Variants in RPS3 observed in about 807,000 individuals in gnomAD.
RPS3 encodes ribosomal protein S3.
In RPS3, 2 loss-of-function variants were observed where a neutral mutation model predicts 25.8. The observed-to-expected ratio is 0.08, with a 90% CI of 0.03 to 0.24. The LOEUF (loss-of-function observed/expected upper bound fraction) is 0.24, where lower values mean the gene tolerates loss of function less well. Ranked by LOEUF, RPS3 falls within the 10% of genes least tolerant of loss-of-function variation. The pLI, the probability that RPS3 is intolerant of heterozygous loss-of-function variation, is 1.00. For missense variants in RPS3, 107 were observed against 307.1 expected (o/e 0.35, Z 4.87); for synonymous variants, 114 against 114.2 (o/e 1.00, Z 0.01).
intron 3 of RPS3, 74 bp downstream of exon 3, chr11:75,401,807 C>CT (rs951662917): frequency 6.3e-5 from 54 of 860,672 alleles, no homozygotes; most frequent in South Asian, 3.2e-4. Context: ...AACTTGGAGA[C>CT]TTTAATTGTT....
intron 4 of RPS3, chr11:75,402,694 A>T (rs1338017654): frequency 2.0e-5 from 6 of 298,950 alleles, no homozygotes; most frequent in Non-Finnish European, 3.2e-5. Context: ...GGAGTTAAAC[A>T]CAAATAGAAC....
At chr11:75,416,458 C>CTT (rs72030839) in intron 6 of RPS3, among the ~76,000 whole-genome samples, 9,522 of 125,582 alleles carry the variant, frequency 0.076, 582 homozygotes, top group South Asian at 0.21. Context: ...TTGATTATTT[C>CTT]TATTTTTTTT....
intron 6 of RPS3, among the ~76,000 whole-genome samples, chr11:75,420,484 G>A (rs985029483): frequency 7.9e-5 from 12 of 152,334 alleles, no homozygotes; most frequent in Admixed American, 2.6e-4. Flanking sequence ...TGTGGAGAGA[G>A]CTGGCTTCGG....
At chr11:75,409,190 T>C (rs1218463802), downstream of RPS3, among the ~76,000 whole-genome samples, 1 of 150,338 alleles carries the variant, frequency 6.7e-6, no homozygotes, top group African/African-American at 2.4e-5. Context: ...TATTTATTTA[T>C]TTATTTATTT....
chr11:75,419,325 G>A (rs1948425245), intron 6 of RPS3, among the ~76,000 whole-genome samples: 1 of 152,058 alleles, frequency 6.6e-6, no homozygotes, highest in Non-Finnish European at 1.5e-5. Context: ...AGGCTGAGGC[G>A]GGTGGATCAC....
At chr11:75,410,770 G>A (rs1468143113), downstream of RPS3, among the ~76,000 whole-genome samples, 2 of 152,242 alleles carry the variant, frequency 1.3e-5, no homozygotes, top group Admixed American at 1.3e-4. Flanking sequence ...GATCACTCGC[G>A]GTTAGGAGCT....
chr11:75,417,081 A>G (rs1214600727), intron 6 of RPS3, among the ~76,000 whole-genome samples: 1 of 152,204 alleles, frequency 6.6e-6, no homozygotes, highest in Non-Finnish European at 1.5e-5. Flanking sequence ...TCTTCCTGAC[A>G]TCCCTTATAA....
At chr11:75,400,853 A>G (rs745933807) in intron 2 of RPS3, 29 bp downstream of exon 2, 11 of 1,597,434 alleles carry the variant, frequency 6.9e-6, no homozygotes, top group African/African-American at 1.4e-5. Flanking sequence ...GCCATCACCT[A>G]TAATTGTTAT....
chr11:75,404,871 AT>A lies in RPS3; in HGVS notation c.*3+4del. On this transcript the variant is annotated splice_donor_region_variant and intron_variant, in intron 6 of 6. Coordinates refer to ENST00000531188, the MANE Select transcript of RPS3 (RefSeq NM_001005.5). The surrounding 1 kb of genome is among the most constrained non-coding windows in gnomAD (Gnocchi z 4.6). ...AGCCAGTCCCCACAGCATAACAGGT[AT>A]GTCTGCAAGGGCAGGGGCCTCTTGG... The A allele has an allele frequency of 6.3e-7, 1 of 1,592,208 alleles. No individual in the cohort carries two copies. The highest frequency in any genetic ancestry group is 8.6e-7 in the Non-Finnish European group (1 of 1,165,564).
chr11:75,412,159 G>A (rs1392264384), intron 6 of RPS3, among the ~76,000 whole-genome samples: 2 of 152,178 alleles, frequency 1.3e-5, no homozygotes, highest in Non-Finnish European at 2.9e-5. Context: ...TTGCACCCTT[G>A]TGACTGACTC....
At chr11:75,408,554 CTG>C (rs1478278355), downstream of RPS3, among the ~76,000 whole-genome samples, 5 of 152,174 alleles carry the variant, frequency 3.3e-5, no homozygotes, top group East Asian at 5.8e-4. Flanking sequence ...TGGCTCATGT[CTG>C]TAATCTTTAG....
chr11:75,405,720 A>G lies in RPS3; in HGVS notation c.*110A>G, dbSNP rs930603582. ...TCTGACTAGACTGTTCAGTATTCAG[A>G]CTGAGGGGCATGTTGGCCTCTGGAG... On this transcript the variant is annotated 3_prime_UTR_variant, in exon 7 of 7. Coordinates refer to ENST00000531188, the MANE Select transcript of RPS3 (RefSeq NM_001005.5). 6.7e-6 allele frequency: 3 copies of G among 446,834 alleles called. No individual in the cohort carries two copies. Among genetic ancestry groups the G allele is most frequent in the African/African-American group, 6.1e-5 (3 of 49,470 alleles). The allele number at this position is 446,834 out of a possible 1,614,324, so 27.7% of individuals were successfully genotyped here.
In RPS3 at chr11:75,404,682, C is replaced by T. The variant is rs1015096511; in HGVS notation, c.549C>T (p.Gly183=). The part of the protein sequence containing the change: ...RHVLLRQGVL[G]IKVKIMLPWD... ...TGTGGTGTCCTCTAGGTGTGCTGGG[C>T]ATCAAGGTGAAGATCATGCTGCCCT... The change falls in exon 6 of 7, where the codon GGC becomes GGT. Residue 183 remains glycine, a synonymous_variant. Transcript: ENST00000531188. The surrounding 1 kb of genome is among the most constrained non-coding windows in gnomAD (Gnocchi z 4.6). The T allele has an allele frequency of 6.2e-7, 1 of 1,610,904 alleles. No homozygotes were observed. Among genetic ancestry groups the T allele is most frequent in the Non-Finnish European group, 8.5e-7 (1 of 1,178,380 alleles).
At chr11:75,417,548 G>A (rs905585177) in intron 6 of RPS3, among the ~76,000 whole-genome samples, 1 of 152,234 alleles carries the variant, frequency 6.6e-6, no homozygotes, top group Non-Finnish European at 1.5e-5. Context: ...AGTGAGCCGA[G>A]ATCGCGCCAC....
chr11:75,404,164 C>A lies in RPS3; in HGVS notation c.495C>A (p.Asn165Lys). The change falls in exon 5 of 7, where the codon AAC becomes AAA. Residue 165 changes from asparagine (N) to lysine (K), a missense_variant. By Grantham distance (94) the Asn-to-Lys change is moderately conservative. Transcript: ENST00000531188. The surrounding 1 kb of genome is among the most constrained non-coding windows in gnomAD (Gnocchi z 4.6). ...TGATCCACAGCGGAGACCCTGTTAA[C>A]TACTACGTTGACACTGCTGTGCGCC... ...GLMIHSGDPV[N>K]YYVDTAVRHV... The A allele has an allele frequency of 6.2e-7, 1 of 1,614,192 alleles. No homozygotes were observed. The highest frequency in any genetic ancestry group is 8.5e-7 in the Non-Finnish European group (1 of 1,180,026).
rs958085801 is a variant in RPS3 at position 75,405,594 on chromosome 11, T to G, written c.*4-20T>G. 1 of 455,364 alleles carries G rather than the reference T, an allele frequency of 2.2e-6. No homozygotes were observed. The highest frequency in any genetic ancestry group is 2.0e-5 in the African/African-American group (1 of 50,040). 28.2% of individuals were successfully genotyped at this position (455,364 alleles called of 1,614,324 possible). A position where few individuals can be genotyped will look rare whatever the true frequency, so the allele number is the denominator to read the frequency against. ...TAACTCTGGTAAAGTTTCTTACTTT[T>G]GTGCTTTATTTGGTTTCAGGGTCTC... is the stretch of plus-strand genomic sequence containing the variant. On this transcript the variant is annotated intron_variant, in intron 6 of 6. Transcript: ENST00000531188.
downstream of RPS3, among the ~76,000 whole-genome samples, chr11:75,407,093 C>T (rs1387752290): frequency 5.3e-5 from 8 of 152,230 alleles, no homozygotes; most frequent in East Asian, 7.7e-4. Flanking sequence ...ATGTGCTGCC[C>T]CTCCCTCACC....
downstream of RPS3, among the ~76,000 whole-genome samples, chr11:75,408,686 C>CA (rs1241333444): frequency 2.6e-5 from 4 of 152,204 alleles, no homozygotes; most frequent in East Asian, 7.7e-4. Flanking sequence ...GCTGCGATTA[C>CA]AGAAGGCCGC....
downstream of RPS3, among the ~76,000 whole-genome samples, chr11:75,409,840 CG>C (rs1565166749): frequency 7.1e-6 from 1 of 141,412 alleles, no homozygotes; most frequent in African/African-American, 2.7e-5. Flanking sequence ...CCCTCCCGGA[CG>C]GGGCGGCTGG....
Sources: allele counts gnomAD v4.1 joint callset (sites outside exome capture counted in the v4.1 genomes callset), GRCh38; gene constraint gnomAD v4.1.1; non-coding constraint Gnocchi (gnomAD v3.1); transcripts MANE v1.5; gene names NCBI Gene and HGNC (gene_info 2026-07-23, HGNC 2026-07-21).